TMEM150C: variants seen among roughly 807,000 people sequenced by gnomAD.
TMEM150C encodes tentonin 3.
TMEM150C carries 10 observed loss-of-function variants against 29.9 expected under a neutral mutation model. The ratio of observed to expected loss-of-function variants is 0.33; its 90% CI spans 0.21 to 0.57. The LOEUF (loss-of-function observed/expected upper bound fraction) is 0.57, where lower values mean the gene tolerates loss of function less well. Among genes scored for constraint, TMEM150C ranks in the 20% least tolerant of loss-of-function variants. The pLI, the probability that TMEM150C is intolerant of heterozygous loss-of-function variation, is 0.88. For synonymous variants in TMEM150C, 101 were observed against 112.5 expected, an observed-to-expected ratio of 0.90 and a Z score of 0.64; for missense variants, 251 against 303.6, an observed-to-expected ratio of 0.83 and a Z score of 1.29.
intron 2 of TMEM150C, 132 bp downstream of exon 2, chr4:82,504,446 C>G (rs1013845614): frequency 3.3e-6 from 2 of 600,772 alleles, no homozygotes; most frequent in African/African-American, 3.7e-5. Flanking sequence ...AGTGATCTGC[C>G]TGACTCGGCC....
intron 1 of TMEM150C, among the ~76,000 whole-genome samples, chr4:82,553,196 T>C (rs1229872030): frequency 6.6e-6 from 1 of 152,236 alleles, no homozygotes; most frequent in East Asian, 1.9e-4. Flanking sequence ...AATTGGACTT[T>C]ATTTACAAAA....
chr4:82,561,721 GC>G (rs1725939619), intron 1 of TMEM150C, among the ~76,000 whole-genome samples, 184 bp downstream of exon 1: 2 of 147,060 alleles, frequency 1.4e-5, no homozygotes, highest in Non-Finnish European at 3.0e-5. Flanking sequence ...GCGGCCCCGC[GC>G]CCGGGACGCT....
chr4:82,498,299 G>A (rs1287913761), intron 5 of TMEM150C, among the ~76,000 whole-genome samples: 1 of 150,094 alleles, frequency 6.7e-6, no homozygotes, highest in African/African-American at 2.5e-5. Flanking sequence ...ATAGGCATGA[G>A]CCTATAATAT....
intron 1 of TMEM150C, among the ~76,000 whole-genome samples, chr4:82,536,395 G>A (rs11727084): frequency 0.015 from 2,220 of 147,908 alleles, 28 homozygotes; most frequent in South Asian, 0.032. Context: ...TTTAATAAAC[G>A]TGCTGGGAAC....
Position 82,539,069 on chromosome 4 carries a change from A to T in TMEM150C, c.-11+22837T>A, listed in dbSNP as rs544845893. Among the ~76,000 whole-genome samples, 5 of 152,248 alleles carry T rather than the reference A, an allele frequency of 3.3e-5. No homozygotes were observed. In the South Asian group the frequency reaches 1.0e-3, roughly 32 times the overall value. On this transcript the variant is annotated intron_variant, in intron 1 of 7. Transcript: ENST00000449862. ...GGAACAGACCTAGACCCTGTCTCAAACAAACAAACAAACACAAAAGATATT... is the reference window on the plus strand; with the variant it reads ...GGAACAGACCTAGACCCTGTCTCAATCAAACAAACAAACACAAAAGATATT...
At position 82,503,420 on chromosome 4, in the gene TMEM150C, G is replaced by A. The variant is rs7675629; in HGVS notation, c.81-308C>T. ...ATTAGGGTTCAGTTTCTAACTTCTC[G>A]GGAATATGTGTCCTACCTTTCCTAA... On this transcript the variant is annotated intron_variant, in intron 2 of 7. Transcript: ENST00000449862. Among the ~76,000 whole-genome samples the A allele has an allele frequency of 8.6e-3, 1,306 of 152,200 alleles. 19 individuals are homozygous for A. Among genetic ancestry groups the A allele is most frequent in the African/African-American group, 0.03 (1,237 of 41,510 alleles).
rs149817695 is a variant in TMEM150C, at chr4:82,544,775, C to CAAAAAAAAAA, written c.-11+17130_-11+17131insTTTTTTTTTT. ...GCCTGGGTGACAGAGTAAGACTATG[C>CAAAAAAAAAA]AAAAAAAAACTGAAATGTAGCATTT... is the stretch of plus-strand genomic sequence containing the variant. On this transcript the variant is annotated intron_variant, in intron 1 of 7. Transcript: ENST00000449862. 3.0e-5 allele frequency among the ~76,000 whole-genome samples: 4 copies of CAAAAAAAAAA among 134,664 alleles called. 1 individual carries two copies. Among genetic ancestry groups the CAAAAAAAAAA allele is most frequent in the Non-Finnish European group, 6.1e-5 (4 of 65,290 alleles). The allele number at this position is 134,664 out of a possible 152,430, so 88.3% of individuals were successfully genotyped here.
intron 1 of TMEM150C, among the ~76,000 whole-genome samples, chr4:82,523,835 A>C (rs1241825842): frequency 6.6e-6 from 1 of 151,580 alleles, no homozygotes; most frequent in Admixed American, 6.6e-5. Flanking sequence ...CTGCCGCCAC[A>C]CCTGGCTAAT....
chr4:82,561,873 G>C (rs1411535711), intron 1 of TMEM150C, 33 bp downstream of exon 1: 3 of 983,928 alleles, frequency 3.0e-6, no homozygotes, highest in Middle Eastern at 5.2e-4. Context: ...GCTGCGCGAC[G>C]GGCCCAGGCA....
chr4:82,495,005 C>T (rs1723494723), intron 6 of TMEM150C: 5 of 864,752 alleles, frequency 5.8e-6, no homozygotes, highest in Non-Finnish European at 9.1e-6. Context: ...ACTGCTTCTT[C>T]AGAGCAATAG....
intron 4 of TMEM150C, 48 bp from the exon 5 acceptor site, chr4:82,502,842 T>C (rs369872761): frequency 4.8e-5 from 76 of 1,588,866 alleles, no homozygotes; most frequent in Non-Finnish European, 6.2e-5. Flanking sequence ...AAATCTATAA[T>C]CCTCCTAACT....
In TMEM150C at chr4:82,504,558, T is replaced by C. The variant is rs1013565326; in HGVS notation, c.80+20A>G. Reference sequence around the variant, plus strand: ...ACATTGCACCTGAATCCTTAAATAATTAAATGAGCAAATACTCACACTATC... The same window carrying C: ...ACATTGCACCTGAATCCTTAAATAACTAAATGAGCAAATACTCACACTATC... On this transcript the variant is annotated intron_variant, in intron 2 of 7. Transcript: ENST00000449862. 3.1e-6 allele frequency: 5 copies of C among 1,599,424 alleles called. No homozygotes were observed. Among genetic ancestry groups the C allele is most frequent in the Non-Finnish European group, 3.4e-6 (4 of 1,168,296 alleles).
intron 1 of TMEM150C, among the ~76,000 whole-genome samples, chr4:82,551,413 T>A (rs1490120136): frequency 6.6e-6 from 1 of 152,238 alleles, no homozygotes; most frequent in Non-Finnish European, 1.5e-5. Context: ...TAGCAATGCT[T>A]CAATAAATCA....
At chr4:82,514,617 A>G (rs1276013128) in intron 1 of TMEM150C, among the ~76,000 whole-genome samples, 1 of 152,130 alleles carries the variant, frequency 6.6e-6, no homozygotes. Context: ...CAGCCAGCTG[A>G]CTATGAACAT....
chr4:82,491,689 A>C (rs927285265), intron 6 of TMEM150C: 5 of 464,990 alleles, frequency 1.1e-5, no homozygotes, highest in Admixed American at 1.0e-4. Context: ...TTTTATAGAG[A>C]TGGTGTCTCC....
rs367807617 is a variant in TMEM150C, at chr4:82,527,165, T to C, written c.-10-22498A>G. Among the ~76,000 whole-genome samples the C allele has an allele frequency of 1.1e-4, 16 of 152,158 alleles. No homozygotes were observed. In the East Asian group the frequency reaches 1.9e-3, roughly 18 times the overall value. Reference sequence around the variant, plus strand: ...GTCACCTTGGCTCACCTGATCTGTGTTTCCCAGAGTTTCCTTACCTGTGTG... The same window carrying C: ...GTCACCTTGGCTCACCTGATCTGTGCTTCCCAGAGTTTCCTTACCTGTGTG... On this transcript the variant is annotated intron_variant, in intron 1 of 7. Transcript: ENST00000449862.
At chr4:82,489,885 C>T (rs1723275297) in intron 7 of TMEM150C, among the ~76,000 whole-genome samples, 176 bp downstream of exon 7, 1 of 152,156 alleles carries the variant, frequency 6.6e-6, no homozygotes, top group Non-Finnish European at 1.5e-5. Context: ...ATTTCTCCAT[C>T]TCCCCTTTGG....
chr4:82,500,331 A>G (rs1419567002), intron 5 of TMEM150C, among the ~76,000 whole-genome samples: 1 of 152,250 alleles, frequency 6.6e-6, no homozygotes, highest in Non-Finnish European at 1.5e-5. Context: ...AATAGTCTGA[A>G]GTCTAACAAG....
intron 6 of TMEM150C, among the ~76,000 whole-genome samples, chr4:82,492,317 G>A (rs1426906860): frequency 6.6e-6 from 1 of 151,012 alleles, no homozygotes; most frequent in Non-Finnish European, 1.5e-5. Context: ...TAGTAGAAAC[G>A]GGGTTTCACC....
Sources: allele counts gnomAD v4.1 joint callset (sites outside exome capture counted in the v4.1 genomes callset), GRCh38; gene constraint gnomAD v4.1.1; transcripts MANE v1.5; gene names NCBI Gene and HGNC (gene_info 2026-07-23, HGNC 2026-07-21).